The following BTBD9 variants were observed in gnomAD, a reference collection of about 807,000 sequenced individuals.
BTBD9 encodes BTB domain containing 9.
Under a neutral mutation model 64.3 loss-of-function variants are expected in BTBD9, and 49 were observed. That is an observed-to-expected ratio of 0.76 (90% confidence interval 0.61 to 0.97). The LOEUF (loss-of-function observed/expected upper bound fraction) is 0.97. Ranked by LOEUF, BTBD9 falls within the 50% of genes least tolerant of loss-of-function variation. BTBD9 has a pLI of 0.00. For synonymous variants in BTBD9, 260 were observed against 274.7 expected (o/e 0.95, Z 0.53); for missense variants, 598 against 762.1 (o/e 0.78, Z 2.53).
rs2748171 is a variant in BTBD9, at chr6:38,564,626, C to G, written c.1154+12974G>C. ...CTATATGGCCGAGCACGGTGACTCA[C>G]GCCTGTAATCCCAGCACTTTGGGAG... On this transcript the variant is annotated intron_variant, in intron 6 of 10. Coordinates refer to ENST00000481247, the MANE Select transcript of BTBD9 (RefSeq NM_001099272.2). Among the ~76,000 whole-genome samples the G allele has an allele frequency of 5.5e-3, 837 of 152,070 alleles. 16 individuals are homozygous for G. The highest frequency in any genetic ancestry group is 0.019 in the African/African-American group (803 of 41,492).
At chr6:38,482,365 T>A (rs146131431) in intron 6 of BTBD9, 1 of 151,910 alleles carries the variant, frequency 6.6e-6, no homozygotes, top group Non-Finnish European at 1.5e-5. Flanking sequence ...TAAAAGCTCA[T>A]CTTCTTTCCA....
At position 38,596,614 on chromosome 6, in the gene BTBD9, C is replaced by T. The variant is rs192598206; in HGVS notation, c.185+1296G>A. ...AGGAGATCCAGACCATACTGGCTAA[C>T]ACGGTGAAACCCCGTCTCTATTAAA... On this transcript the variant is annotated intron_variant, in intron 2 of 10. Coordinates refer to ENST00000481247, the MANE Select transcript of BTBD9 (RefSeq NM_001099272.2). Among the ~76,000 whole-genome samples, 1,326 of 151,946 alleles carry T rather than the reference C, an allele frequency of 8.7e-3. 19 individuals carry two copies. Among genetic ancestry groups the T allele is most frequent in the African/African-American group, 0.03 (1,251 of 41,444 alleles).
chr6:38,503,064 A>G (rs913096017), intron 6 of BTBD9, among the ~76,000 whole-genome samples: 130 of 152,212 alleles, frequency 8.5e-4, no homozygotes, highest in African/African-American at 2.9e-3. Context: ...AAAGGGAGGG[A>G]AGTGAGTTTA....
At chr6:38,537,210 G>A (rs1774059146) in intron 6 of BTBD9, among the ~76,000 whole-genome samples, 1 of 152,128 alleles carries the variant, frequency 6.6e-6, no homozygotes, top group South Asian at 2.1e-4. Flanking sequence ...CAGGAATTAT[G>A]GGGGTGCTTG....
chr6:38,191,179 G>A (rs1280242969), intron 10 of BTBD9, among the ~76,000 whole-genome samples: 1 of 152,140 alleles, frequency 6.6e-6, no homozygotes, highest in African/African-American at 2.4e-5. Flanking sequence ...CCAGGTTTCT[G>A]TTTACAAGTT....
At chr6:38,435,163 T>C (rs1205280170) in intron 6 of BTBD9, among the ~76,000 whole-genome samples, 6 of 126,098 alleles carry the variant, frequency 4.8e-5, no homozygotes, top group East Asian at 2.2e-4. Context: ...CACTGCACTC[T>C]AGCCTGGGCA....
At chr6:38,592,004 G>C (rs1776814778) in intron 4 of BTBD9, among the ~76,000 whole-genome samples, 2 of 152,028 alleles carry the variant, frequency 1.3e-5, no homozygotes, top group Non-Finnish European at 2.9e-5. Context: ...GGCCAACATG[G>C]TGAAACCCCG....
In BTBD9 at chr6:38,268,525, C is replaced by A. The variant is rs9470846; in HGVS notation, c.1455-12009G>T. On this transcript the variant is annotated intron_variant, in intron 8 of 10. Coordinates refer to ENST00000481247, the MANE Select transcript of BTBD9 (RefSeq NM_001099272.2). The stretch of plus-strand genomic sequence containing the variant: ...AGGAGGATGTTCCAGCAGGGATGAA[C>A]GACCGGCAAAACTCTTCCTGTTCAA... Among the ~76,000 whole-genome samples the A allele has an allele frequency of 2.0e-5, 3 of 152,156 alleles. 1 individual carries two copies. Among genetic ancestry groups the A allele is most frequent in the Middle Eastern group, 6.3e-3 (2 of 316 alleles).
At chr6:38,422,977 T>A (rs34436459) in intron 6 of BTBD9, among the ~76,000 whole-genome samples, 2,046 of 152,100 alleles carry the variant, frequency 0.013, 45 homozygotes, top group African/African-American at 0.045. Context: ...ATATATTTTT[T>A]AAATAGATTA....
intron 6 of BTBD9, among the ~76,000 whole-genome samples, chr6:38,419,136 A>T (rs2127273163): frequency 6.6e-6 from 1 of 152,246 alleles, no homozygotes; most frequent in Admixed American, 6.5e-5. Flanking sequence ...ACAGTATAGG[A>T]TTTACCTTTA....
intron 9 of BTBD9, among the ~76,000 whole-genome samples, chr6:38,203,993 T>C (rs1762551999): frequency 6.6e-6 from 1 of 152,078 alleles, no homozygotes; most frequent in Non-Finnish European, 1.5e-5. Flanking sequence ...TCTATGCATG[T>C]AAAAAGCATT....
At chr6:38,556,509 G>A (rs576234668) in intron 6 of BTBD9, among the ~76,000 whole-genome samples, 1 of 98,102 alleles carries the variant, frequency 1.0e-5, no homozygotes, top group Non-Finnish European at 2.0e-5. Context: ...CCTATAAAGT[G>A]TGTGTGTGTG....
intron 7 of BTBD9, among the ~76,000 whole-genome samples, chr6:38,304,961 T>G (rs1762571444): frequency 6.6e-6 from 1 of 152,052 alleles, no homozygotes; most frequent in Non-Finnish European, 1.5e-5. Flanking sequence ...AGAATGTGAG[T>G]TTCATAAGGG....
intron 9 of BTBD9, among the ~76,000 whole-genome samples, chr6:38,200,941 G>A (rs543588193): frequency 6.6e-6 from 1 of 152,088 alleles, no homozygotes; most frequent in African/African-American, 2.4e-5. Flanking sequence ...AACTGCTTGA[G>A]TCTGGGAGTT....
At chr6:38,505,096 C>G (rs1357765447) in intron 6 of BTBD9, among the ~76,000 whole-genome samples, 2 of 152,182 alleles carry the variant, frequency 1.3e-5, no homozygotes, top group Non-Finnish European at 2.9e-5. Flanking sequence ...TTCCTCCTCC[C>G]TCATAAGCTG....
intron 9 of BTBD9, among the ~76,000 whole-genome samples, chr6:38,246,185 C>G (rs1303712461): frequency 1.3e-5 from 2 of 152,138 alleles, no homozygotes; most frequent in African/African-American, 4.8e-5. Flanking sequence ...CACATGCCTC[C>G]CAATGTTTGG....
At position 38,590,708 on chromosome 6, in the gene BTBD9, T is replaced by A. The variant is rs150376679; in HGVS notation, c.814+1868A>T. Among the ~76,000 whole-genome samples the A allele has an allele frequency of 2.8e-3, 432 of 152,328 alleles. 5 individuals are homozygous for A. The highest frequency in any genetic ancestry group is 9.3e-3 in the African/African-American group (387 of 41,566). On this transcript the variant is annotated intron_variant, in intron 4 of 10. Coordinates refer to ENST00000481247, the MANE Select transcript of BTBD9 (RefSeq NM_001099272.2). Reference sequence around the variant, plus strand: ...ACTGTACTGTATTTCATTACAGACATACCTAGTGTTCAAATTTTTAAATTT... The same window carrying A: ...ACTGTACTGTATTTCATTACAGACAAACCTAGTGTTCAAATTTTTAAATTT...
chr6:38,432,185 G>A (rs1226995090), intron 6 of BTBD9, among the ~76,000 whole-genome samples: 4 of 151,904 alleles, frequency 2.6e-5, no homozygotes, highest in South Asian at 4.2e-4. Context: ...GTTATGATGT[G>A]GTAAAAAAGC....
At chr6:38,626,668 C>T (rs1778178588) in intron 1 of BTBD9, among the ~76,000 whole-genome samples, 1 of 152,184 alleles carries the variant, frequency 6.6e-6, no homozygotes, top group African/African-American at 2.4e-5. Context: ...ATGAATTTAA[C>T]TATTTATATG....
Sources: gnomAD v4.1 joint callset for allele counts (sites outside exome capture counted in the v4.1 genomes callset) on GRCh38, gnomAD v4.1.1 for gene constraint, MANE v1.5 for transcripts, NCBI Gene and HGNC (gene_info 2026-07-23, HGNC 2026-07-21) for gene names.